PCCA: variants seen among roughly 807,000 people sequenced by gnomAD.
PCCA encodes propionyl-CoA carboxylase alpha chain, mitochondrial.
In PCCA, 74 loss-of-function variants were observed where a neutral mutation model predicts 101.3. That is an observed-to-expected ratio of 0.73 (90% CI 0.61 to 0.89). The LOEUF (loss-of-function observed/expected upper bound fraction) is 0.89. Among genes scored for constraint, PCCA ranks in the 40% least tolerant of loss-of-function variants. PCCA has a pLI of 0.00. For missense variants in PCCA, 891 were observed against 907.0 expected (o/e 0.98, Z 0.23); for synonymous variants, 294 against 313.6 (o/e 0.94, Z 0.66).
chr13:100,372,104 G>C (rs1028517352), intron 19 of PCCA, among the ~76,000 whole-genome samples: 1 of 152,174 alleles, frequency 6.6e-6, no homozygotes, highest in African/African-American at 2.4e-5. Flanking sequence ...CAGCACTTTG[G>C]GAGGCCAAGG....
chr13:100,519,014 CAAAT>C (rs942339212), intron 22 of PCCA, among the ~76,000 whole-genome samples: 1 of 152,164 alleles, frequency 6.6e-6, no homozygotes, highest in Non-Finnish European at 1.5e-5. Context: ...ACTTTGAAGT[CAAAT>C]AAAGTCATGA....
intron 12 of PCCA, among the ~76,000 whole-genome samples, chr13:100,297,013 G>C (rs1355929562): frequency 1.3e-5 from 2 of 152,126 alleles, no homozygotes; most frequent in Non-Finnish European, 2.9e-5. Flanking sequence ...TTTTTTAAGA[G>C]CATAAACCAT....
At chr13:100,463,354 T>C (rs2152944950) in intron 21 of PCCA, among the ~76,000 whole-genome samples, 1 of 149,974 alleles carries the variant, frequency 6.7e-6, no homozygotes, top group South Asian at 2.1e-4. Flanking sequence ...TTTTTTTTTT[T>C]TTTTTGACAA....
At chr13:100,265,181 C>G (rs1192909805) in intron 10 of PCCA, among the ~76,000 whole-genome samples, 1 of 152,160 alleles carries the variant, frequency 6.6e-6, no homozygotes, top group Non-Finnish European at 1.5e-5. Context: ...AACAGAAGTT[C>G]TGAATTATAG....
At chr13:100,500,782 A>G (rs1217176797) in intron 21 of PCCA, among the ~76,000 whole-genome samples, 1 of 152,240 alleles carries the variant, frequency 6.6e-6, no homozygotes, top group Non-Finnish European at 1.5e-5. Flanking sequence ...AACTGTAGAC[A>G]CCAAAACACT....
At chr13:100,443,689 G>GT (rs1566317416) in intron 20 of PCCA, among the ~76,000 whole-genome samples, 6 of 151,520 alleles carry the variant, frequency 4.0e-5, no homozygotes, top group Non-Finnish European at 5.9e-5. Context: ...CAAGATTAAA[G>GT]TTTTTTGTGC....
At chr13:100,392,964 A>G (rs1455062985) in intron 19 of PCCA, among the ~76,000 whole-genome samples, 2 of 151,416 alleles carry the variant, frequency 1.3e-5, no homozygotes, top group African/African-American at 4.9e-5. Flanking sequence ...TTGGTAAGTA[A>G]AGAGAGAAGC....
chr13:100,228,767 G>T (rs1386242811), intron 7 of PCCA, among the ~76,000 whole-genome samples: 1 of 151,978 alleles, frequency 6.6e-6, no homozygotes, highest in Non-Finnish European at 1.5e-5. Context: ...ATACGTGGTG[G>T]TGTGTGCCTA....
intron 8 of PCCA, among the ~76,000 whole-genome samples, chr13:100,253,305 T>A (rs1160081567): frequency 1.3e-5 from 2 of 152,194 alleles, no homozygotes; most frequent in Non-Finnish European, 2.9e-5. Context: ...TATATTTAGA[T>A]GCATGTATGT....
At chr13:100,180,402 A>G (rs916281339) in intron 6 of PCCA, among the ~76,000 whole-genome samples, 1 of 152,098 alleles carries the variant, frequency 6.6e-6, no homozygotes, top group South Asian at 2.1e-4. Context: ...TTTTCCGTAA[A>G]CCCCATTCTT....
rs559605353 is a variant in PCCA, at chr13:100,269,048, A to T, written c.914+265A>T. On this transcript the variant is annotated intron_variant, in intron 11 of 23. Coordinates refer to ENST00000376285, the MANE Select transcript of PCCA (RefSeq NM_000282.4). ...TGTTTTGTAGAGATGGGGTTTTGTC[A>T]TGTTGCTCAGGCTGGCCTTGAACTC... 2.6e-5 allele frequency among the ~76,000 whole-genome samples: 4 copies of T among 152,224 alleles called. No homozygotes were observed. In the South Asian group the frequency reaches 8.3e-4, roughly 32 times the overall value.
chr13:100,380,776 A>C (rs959556636), intron 19 of PCCA, among the ~76,000 whole-genome samples: 2 of 152,262 alleles, frequency 1.3e-5, no homozygotes, highest in Non-Finnish European at 2.9e-5. Context: ...TGTTTGCTTC[A>C]AAGGACACTA....
At chr13:100,416,842 TTTTG>T (rs1160656554) in intron 19 of PCCA, among the ~76,000 whole-genome samples, 4 of 150,838 alleles carry the variant, frequency 2.7e-5, no homozygotes, top group South Asian at 4.2e-4. Context: ...TGTATATTCT[TTTTG>T]TTTGTTTGTT....
intron 21 of PCCA, 150 bp downstream of exon 21, chr13:100,449,455 A>G (rs2081069084): frequency 1.7e-6 from 1 of 589,092 alleles, no homozygotes; most frequent in African/African-American, 1.9e-5. Context: ...TCTAGGGAAC[A>G]ACTTCATATA....
intron 6 of PCCA, among the ~76,000 whole-genome samples, chr13:100,197,141 G>T (rs967639449): frequency 1.3e-5 from 2 of 152,108 alleles, no homozygotes; most frequent in African/African-American, 4.8e-5. Flanking sequence ...ACTTACCCAG[G>T]ATCACAAAAA....
At chr13:100,527,169 G>A (rs1011548954) in intron 22 of PCCA, 7 of 377,450 alleles carry the variant, frequency 1.9e-5, no homozygotes, top group South Asian at 4.2e-5. Flanking sequence ...TAACGTGTAC[G>A]ATTCGGTGGT....
intron 6 of PCCA, among the ~76,000 whole-genome samples, chr13:100,172,048 AAT>A (rs2055722207): frequency 6.6e-6 from 1 of 150,868 alleles, no homozygotes; most frequent in Non-Finnish European, 1.5e-5. Context: ...AAAAAAAAAA[AAT>A]ATTAGCTGGG....
chr13:100,146,315 G>C (rs2052560270), intron 4 of PCCA, among the ~76,000 whole-genome samples: 1 of 151,220 alleles, frequency 6.6e-6, no homozygotes, highest in African/African-American at 2.4e-5. Context: ...GGTGGCTCAT[G>C]CCTGTAATCC....
chr13:100,118,053 T>G (rs1288366191), intron 4 of PCCA, among the ~76,000 whole-genome samples: 1 of 150,990 alleles, frequency 6.6e-6, no homozygotes, highest in Non-Finnish European at 1.5e-5. Flanking sequence ...GAGGCGGAGC[T>G]TGCAGTGAGC....
Sources: allele counts gnomAD v4.1 joint callset (sites outside exome capture counted in the v4.1 genomes callset), GRCh38; gene constraint gnomAD v4.1.1; transcripts MANE v1.5; gene names NCBI Gene and HGNC (gene_info 2026-07-23, HGNC 2026-07-21).